MYO16: variants seen among roughly 807,000 people sequenced by gnomAD.
MYO16 encodes the protein unconventional myosin-XVI.
A neutral mutation model predicts 205.3 loss-of-function variants in MYO16; 94 were observed. The ratio of observed to expected loss-of-function variants is 0.46; its 90% CI spans 0.39 to 0.54. The LOEUF (loss-of-function observed/expected upper bound fraction) is 0.54, where lower values mean the gene tolerates loss of function less well. Among genes scored for constraint, MYO16 ranks in the 20% least tolerant of loss-of-function variants. MYO16 has a pLI of 0.00. For synonymous variants in MYO16, 988 were observed against 954.0 expected (o/e 1.04, Z -0.66); for missense variants, 2,315 against 2,387.5 (o/e 0.97, Z 0.63).
At chr13:108,610,085 A>G (rs139975002) in intron 1 of MYO16, among the ~76,000 whole-genome samples, 2 of 152,296 alleles carry the variant, frequency 1.3e-5, no homozygotes, top group Non-Finnish European at 1.5e-5. Context: ...TTACACCTGA[A>G]ACGGGTATCC....
At chr13:108,736,326 G>A (rs533192715) in intron 4 of MYO16, among the ~76,000 whole-genome samples, 4 of 152,254 alleles carry the variant, frequency 2.6e-5, no homozygotes, top group East Asian at 3.9e-4. Context: ...TTTGTATAAG[G>A]TGTAAGAAGG....
the MYO16 span, among the ~76,000 whole-genome samples, chr13:108,568,898 T>C: frequency 3.3e-5 from 5 of 152,098 alleles, no homozygotes; most frequent in African/African-American, 1.2e-4. Flanking sequence ...TACATATGGG[T>C]ACCCAGTTGT....
chr13:108,875,443 A>T (rs1017836281), intron 12 of MYO16, among the ~76,000 whole-genome samples: 15 of 152,188 alleles, frequency 9.9e-5, no homozygotes, highest in African/African-American at 3.6e-4. Flanking sequence ...TTCCATAATT[A>T]TATTATGTAT....
At chr13:109,062,816 G>T (rs1360245072) in intron 27 of MYO16, among the ~76,000 whole-genome samples, 1 of 152,050 alleles carries the variant, frequency 6.6e-6, no homozygotes, top group Non-Finnish European at 1.5e-5. Context: ...AAAAAACAAA[G>T]CCTTGAGGTG....
At chr13:108,670,374 A>G (rs969323724) in intron 2 of MYO16, among the ~76,000 whole-genome samples, 5 of 152,150 alleles carry the variant, frequency 3.3e-5, no homozygotes, top group Non-Finnish European at 7.3e-5. Flanking sequence ...ATGGTTTTTA[A>G]TGGTGCCTAG....
At chr13:108,568,352 A>T in the MYO16 span, among the ~76,000 whole-genome samples, 1 of 152,124 alleles carries the variant, frequency 6.6e-6, no homozygotes. Flanking sequence ...TATCTTCATT[A>T]ACACTTATAA....
rs533772824 is a variant in MYO16, at chr13:109,099,305, A to G, written c.3336-1480A>G. On this transcript the variant is annotated intron_variant, in intron 27 of 34. Coordinates refer to ENST00000457511, the MANE Select transcript of MYO16 (RefSeq NM_001198950.3). ...TCATAGGCTAAAATAAATATAAAAT[A>G]AACAGCAAGTAATAAGTCATTCGCA... Among the ~76,000 whole-genome samples the G allele has an allele frequency of 1.7e-4, 26 of 152,386 alleles. No homozygotes were observed. The South Asian group carries it at 5.4e-3, about 32-fold the overall frequency.
intron 21 of MYO16, among the ~76,000 whole-genome samples, chr13:108,997,290 C>CAGAAAGAAAGAAAGAAAGAA (rs1200455422): frequency 1.2e-5 from 1 of 82,836 alleles, no homozygotes; most frequent in African/African-American, 4.8e-5. Context: ...CAAGACCATG[C>CAGAAAGAAAGAAAGAAAGAA]AGAAAGAAAG....
intron 15 of MYO16, among the ~76,000 whole-genome samples, chr13:108,899,235 C>T (rs1464481300): frequency 6.6e-6 from 1 of 152,032 alleles, no homozygotes; most frequent in Non-Finnish European, 1.5e-5. Flanking sequence ...ACCAGCCTGA[C>T]TAACATGGAG....
At chr13:108,676,171 T>C (rs984171654) in intron 2 of MYO16, among the ~76,000 whole-genome samples, 1 of 152,086 alleles carries the variant, frequency 6.6e-6, no homozygotes, top group African/African-American at 2.4e-5. Flanking sequence ...TTTTAGGCAA[T>C]CATATTTTAA....
chr13:108,957,694 G>C lies in MYO16; in HGVS notation c.1932G>C (p.Leu644Phe), dbSNP rs1883426718. 1 of 1,609,574 alleles carries C rather than the reference G, an allele frequency of 6.2e-7. No homozygotes were observed. The highest frequency in any genetic ancestry group is 1.3e-5 in the African/African-American group (1 of 74,888). Residue 644 changes from leucine (L) to phenylalanine (F), a missense_variant, in exon 17 of 35, where the codon TTG becomes TTC. Leu to Phe is a conservative substitution (Grantham distance 22). Around this residue, in one of 3 missense-constraint regions of MYO16, gnomAD observed 1,213 missense variants for 1,274.4 expected, o/e 0.95. Coordinates refer to ENST00000457511, the MANE Select transcript of MYO16 (RefSeq NM_001198950.3). ...HLNNLCAHRY[L>F]NQTIQDDAST... The stretch of plus-strand genomic sequence containing the variant: ...GTGCCTTGTCTCCTAACAGGTATTT[G>C]AACCAGACCATACAGGATGATGCAT...
chr13:108,757,001 C>T (rs557457191), intron 4 of MYO16, among the ~76,000 whole-genome samples: 1 of 152,144 alleles, frequency 6.6e-6, no homozygotes, highest in African/African-American at 2.4e-5. Context: ...TTCTTTAAAT[C>T]ACAATGAAGA....
chr13:108,917,899 A>T (rs1421889727), intron 16 of MYO16, among the ~76,000 whole-genome samples: 1 of 152,242 alleles, frequency 6.6e-6, no homozygotes, highest in African/African-American at 2.4e-5. Flanking sequence ...CACTTCTCAT[A>T]GATTTTCTCT....
chr13:108,787,212 A>G (rs1047272049), intron 5 of MYO16, among the ~76,000 whole-genome samples: 1 of 152,224 alleles, frequency 6.6e-6, no homozygotes, highest in African/African-American at 2.4e-5. Flanking sequence ...GGATATATTT[A>G]TGGCATATAA....
At chr13:109,041,126 A>G (rs1886871412) in intron 23 of MYO16, among the ~76,000 whole-genome samples, 1 of 152,224 alleles carries the variant, frequency 6.6e-6, no homozygotes, top group African/African-American at 2.4e-5. Context: ...TAAAAATGCA[A>G]TACTTAGGTG....
chr13:108,972,249 C>CTCTATATATA (rs1178345437), intron 20 of MYO16, among the ~76,000 whole-genome samples: 1 of 2,848 alleles, frequency 3.5e-4, no homozygotes, highest in Non-Finnish European at 5.9e-4. Context: ...CTCTCTCTCT[C>CTCTATATATA]TATATATATA....
intron 16 of MYO16, among the ~76,000 whole-genome samples, chr13:108,934,119 A>T (rs997582329): frequency 6.6e-6 from 1 of 152,130 alleles, no homozygotes; most frequent in African/African-American, 2.4e-5. Flanking sequence ...AACAAAGGAA[A>T]TGGTGTTATC....
intron 14 of MYO16, among the ~76,000 whole-genome samples, chr13:108,888,875 T>G (rs573075997): frequency 6.6e-6 from 1 of 152,138 alleles, no homozygotes; most frequent in African/African-American, 2.4e-5. Flanking sequence ...GCCAACATTG[T>G]GAAACCTCGT....
intron 20 of MYO16, among the ~76,000 whole-genome samples, chr13:108,985,931 G>A (rs1016464982): frequency 9.9e-5 from 15 of 152,144 alleles, no homozygotes; most frequent in Non-Finnish European, 2.1e-4. Context: ...AGACATACCC[G>A]AGACTGGGTA....
Sources: allele counts gnomAD v4.1 joint callset (sites outside exome capture counted in the v4.1 genomes callset), GRCh38; gene constraint gnomAD v4.1.1; regional missense constraint gnomAD v4.1.1; transcripts MANE v1.5; gene names NCBI Gene and HGNC (gene_info 2026-07-23, HGNC 2026-07-21).